The following DPPA4 variants were observed in gnomAD, a reference collection of about 807,000 sequenced individuals.
DPPA4 encodes developmental pluripotency associated 4, also known as developmental pluripotency-associated protein 4.
Under a neutral mutation model 33.7 loss-of-function variants are expected in DPPA4, and 22 were observed. The observed-to-expected ratio is 0.65, with a 90% CI of 0.47 to 0.93. DPPA4 has a LOEUF of 0.93. DPPA4 is among the 40% of genes least tolerant of loss of function. The probability of loss-of-function intolerance (pLI) is 0.00; values close to 1 mark genes in which losing one functional copy is unlikely to be tolerated. For missense variants in DPPA4, 340 were observed against 358.6 expected (o/e 0.95, Z 0.42); for synonymous variants, 156 against 132.3 (o/e 1.18, Z -1.23).
At chr3:109,335,451 A>C (rs1261485147) in intron 1 of DPPA4, among the ~76,000 whole-genome samples, 4 of 152,108 alleles carry the variant, frequency 2.6e-5, no homozygotes, top group Non-Finnish European at 4.4e-5. Context: ...TTTCTCTGAG[A>C]GGAGTCTCGC....
upstream of DPPA4, among the ~76,000 whole-genome samples, chr3:109,338,525 T>G (rs2107356672): frequency 6.6e-6 from 1 of 152,358 alleles, no homozygotes; most frequent in Middle Eastern, 3.4e-3. Context: ...TCTTTTGTTC[T>G]TTGGTTTACT....
At position 109,333,982 on chromosome 3, in the gene DPPA4, T is replaced by C. The variant is rs141397323; in HGVS notation, c.66A>G (p.Thr22=). The change falls in exon 2 of 7, where the codon ACA becomes ACG. Residue 22 remains threonine (T), a synonymous_variant. Coordinates refer to ENST00000335658, the MANE Select transcript of DPPA4 (RefSeq NM_018189.4). ...EKAKGKEWTS[T]EKSREEDQQA... is the part of the protein sequence containing the mutation. ...GCTGATCCTCTTCCCTCGACTTCTC[T>C]GTGGAGGTCCACTGGGGAACAGAGG... is the stretch of plus-strand genomic sequence containing the variant. 897 of 1,614,170 alleles carry C rather than the reference T, an allele frequency of 5.6e-4. 9 individuals are homozygous for C. In the South Asian group the frequency reaches 6.2e-3, roughly 11 times the overall value.
At position 109,330,620 on chromosome 3, in the gene DPPA4, T is replaced by A; in HGVS notation, c.583A>T (p.Thr195Ser). Residue 195 changes from threonine to serine, a missense_variant, in exon 5 of 7, where the codon ACA (threonine) becomes TCA (serine). Thr to Ser is a moderately conservative substitution (Grantham distance 58, BLOSUM62 1). Transcript: ENST00000335658. Reference sequence around the variant, plus strand: ...AGCAAAGCCTCTGGGGCAGAAGTTGTCACCACAACTGTATTAACTCCCTCA... The same window carrying A: ...AGCAAAGCCTCTGGGGCAGAAGTTGACACCACAACTGTATTAACTCCCTCA... Reference protein sequence around the residue: ...LLEGVNTVVVTTSAPEALLAS... With the variant: ...LLEGVNTVVVSTSAPEALLAS... The A allele has an allele frequency of 6.2e-7, 1 of 1,614,172 alleles. No homozygotes were observed.
At chr3:109,335,357 C>T (rs887695712) in intron 1 of DPPA4, among the ~76,000 whole-genome samples, 3 of 152,156 alleles carry the variant, frequency 2.0e-5, no homozygotes, top group Admixed American at 1.3e-4. Flanking sequence ...ATCTTCTAGC[C>T]TCAAGCAATC....
chr3:109,337,426 A>C (rs1307811541), intron 1 of DPPA4, 38 bp downstream of exon 1: 9 of 1,600,582 alleles, frequency 5.6e-6, no homozygotes, highest in Middle Eastern at 1.7e-4. Flanking sequence ...AGAAACACAA[A>C]GACAGACAGA....
chr3:109,337,510 C>T lies in DPPA4; in HGVS notation c.8G>A (p.Arg3Gln), dbSNP rs57223541. The change falls in exon 1 of 7, where the codon CGA becomes CAA. Residue 3 changes from arginine to glutamine, a missense_variant. Arg to Gln is a conservative substitution (Grantham distance 43). Transcript: ENST00000335658. ML[R>Q]GSASSTSMEK... ...CATACTTGTAGAAGAAGCGGAGCCTCGCAACATGCTTCCAAAATGGCCCCT... is the reference window on the plus strand; with the variant it reads ...CATACTTGTAGAAGAAGCGGAGCCTTGCAACATGCTTCCAAAATGGCCCCT... 4 of 1,614,106 alleles carry T rather than the reference C, an allele frequency of 2.5e-6. No individual in the cohort carries two copies. The East Asian group carries it at 8.9e-5, about 36-fold the overall frequency.
chr3:109,334,544 AG>A (rs1489940959), intron 1 of DPPA4, among the ~76,000 whole-genome samples: 1 of 151,868 alleles, frequency 6.6e-6, no homozygotes, highest in Non-Finnish European at 1.5e-5. Flanking sequence ...AAAAAAAAAA[AG>A]AGGCCCTTAA....
intron 2 of DPPA4, among the ~76,000 whole-genome samples, chr3:109,332,672 A>C (rs1576837751): frequency 6.6e-6 from 1 of 152,010 alleles, no homozygotes; most frequent in African/African-American, 2.4e-5. Context: ...AACCACTAAT[A>C]CCCTTAATTC....
intron 1 of DPPA4, among the ~76,000 whole-genome samples, chr3:109,336,743 G>A (rs1025284570): frequency 4.6e-5 from 7 of 152,076 alleles, no homozygotes; most frequent in Non-Finnish European, 7.4e-5. Context: ...CGGGAGCAGC[G>A]GCGGGCGCCT....
intron 1 of DPPA4, 149 bp from the exon 2 acceptor site, chr3:109,334,142 C>T (rs1708144283): frequency 3.7e-6 from 3 of 820,788 alleles, no homozygotes; most frequent in South Asian, 4.6e-5. Flanking sequence ...CATCTTAATA[C>T]TCAGTTTCAT....
At chr3:109,337,374 C>T (rs552755910) in intron 1 of DPPA4, 90 bp downstream of exon 1, 10 of 1,216,828 alleles carry the variant, frequency 8.2e-6, no homozygotes, top group Non-Finnish European at 1.2e-5. Context: ...AAGGCACATT[C>T]TTTTCTCCTT....
intron 2 of DPPA4, chr3:109,333,376 A>C (rs907363577): frequency 7.3e-6 from 1 of 136,196 alleles, no homozygotes; most frequent in Non-Finnish European, 1.6e-5. Context: ...AAAAAAAAAA[A>C]AAACCAGCCT....
At chr3:109,336,295 G>C (rs1054644840) in intron 1 of DPPA4, 7 of 151,950 alleles carry the variant, frequency 4.6e-5, no homozygotes, top group African/African-American at 1.7e-4. Context: ...ATTTATATTT[G>C]CATAAACCTT....
intron 4 of DPPA4, 25 bp from the exon 5 acceptor site, chr3:109,330,837 G>C (rs1450505204): frequency 1.3e-6 from 2 of 1,559,848 alleles, no homozygotes; most frequent in South Asian, 1.2e-5. Flanking sequence ...AAATAATAAA[G>C]ATAAAAATAC....
In DPPA4 at chr3:109,330,577, A is replaced by T; in HGVS notation, c.626T>A (p.Ile209Asn). The T allele has an allele frequency of 6.2e-7, 1 of 1,614,078 alleles. No individual in the cohort carries two copies. Among genetic ancestry groups the T allele is most frequent in the East Asian group, 2.2e-5 (1 of 44,846 alleles). Reference sequence around the variant, plus strand: ...CTCTGGTGTCCTCGCCCTGGCTGAAATTCTCGCCCAGGAGGCCAGCAAAGC... The same window carrying T: ...CTCTGGTGTCCTCGCCCTGGCTGAATTTCTCGCCCAGGAGGCCAGCAAAGC... The part of the protein sequence containing the change: ...PEALLASWAR[I>N]SARARTPEAV... Residue 209 changes from isoleucine (I) to asparagine (N), a missense_variant, in exon 5 of 7, where the codon ATT becomes AAT. Ile to Asn is a moderately radical substitution (Grantham distance 149). Coordinates refer to ENST00000335658, the MANE Select transcript of DPPA4 (RefSeq NM_018189.4).
intron 5 of DPPA4, 103 bp from the exon 6 acceptor site, chr3:109,329,191 T>C (rs944516326): frequency 1.0e-6 from 1 of 987,634 alleles, no homozygotes; most frequent in East Asian, 2.6e-5. Flanking sequence ...AGCTCCAAGA[T>C]GTGAACCCTG....
intron 1 of DPPA4, among the ~76,000 whole-genome samples, chr3:109,336,076 C>T (rs892819728): frequency 6.6e-6 from 1 of 151,562 alleles, no homozygotes; most frequent in South Asian, 2.1e-4. Flanking sequence ...TCGCTTGAAC[C>T]CGGGAAGCAG....
chr3:109,332,168 C>G, intron 2 of DPPA4, 137 bp from the exon 3 acceptor site: 1 of 673,734 alleles, frequency 1.5e-6, no homozygotes, highest in Non-Finnish European at 2.4e-6. Context: ...GTGGCGCGAT[C>G]TTGGCTCCCT....
chr3:109,339,303 C>G (rs534244032), upstream of DPPA4, among the ~76,000 whole-genome samples: 1 of 152,238 alleles, frequency 6.6e-6, no homozygotes, highest in East Asian at 1.9e-4. Context: ...GGATTTAAAC[C>G]CAACCTCCCC....
Sources: allele counts gnomAD v4.1 joint callset (sites outside exome capture counted in the v4.1 genomes callset), GRCh38; gene constraint gnomAD v4.1.1; transcripts MANE v1.5; gene names NCBI Gene and HGNC (gene_info 2026-07-23, HGNC 2026-07-21).